Variants in URI1 observed in about 807,000 individuals in gnomAD.
The protein encoded by URI1 is unconventional prefoldin RPB5 interactor 1.
URI1 carries 39 observed loss-of-function variants against 60.2 expected under a neutral mutation model. The ratio of observed to expected loss-of-function variants is 0.65; its 90% CI spans 0.50 to 0.85. The LOEUF is 0.85. Ranked by LOEUF, URI1 falls within the 40% of genes least tolerant of loss-of-function variation. The pLI, the probability that URI1 is intolerant of heterozygous loss-of-function variation, is 0.00. For synonymous variants in URI1, 251 were observed against 236.8 expected (o/e 1.06, Z -0.55); for missense variants, 691 against 665.9 (o/e 1.04, Z -0.42).
chr19:30,004,482 T>A (rs1302565365), intron 4 of URI1: 1 of 152,090 alleles, frequency 6.6e-6, no homozygotes, highest in African/African-American at 2.4e-5. Context: ...TTCTCCTCCA[T>A]CCTCTTCTGA....
intron 9 of URI1, among the ~76,000 whole-genome samples, chr19:30,011,555 A>C (rs1599728424): frequency 6.6e-6 from 1 of 150,684 alleles, no homozygotes; most frequent in Admixed American, 6.6e-5. Context: ...CTACGTTTCT[A>C]CCACAGCCGT....
chr19:30,009,349 A>C lies in URI1; in HGVS notation c.1031A>C (p.Lys344Thr). 1 of 1,611,568 alleles carries C rather than the reference A, an allele frequency of 6.2e-7. No individual in the cohort carries two copies. The highest frequency in any genetic ancestry group is 8.5e-7 in the Non-Finnish European group (1 of 1,177,974). The change falls in exon 8 of 11, where the codon AAG becomes ACG. Residue 344 changes from lysine (K) to threonine (T), a missense_variant. Lys to Thr is a moderately conservative substitution (Grantham distance 78). Transcript: ENST00000392271. ...TIYFSHTVEP[K>T]RVRINTGKNT... ...TATTTTTCACATACTGTTGAGCCTA[A>C]GAGGGTTTGTATACTTTTAACTTTA...
chr19:30,007,436 A>G (rs534520352), intron 6 of URI1, 34 bp from the exon 7 acceptor site: 13 of 1,604,076 alleles, frequency 8.1e-6, no homozygotes, highest in East Asian at 4.5e-5. Flanking sequence ...TATGTTGGCT[A>G]TTAACAGCCA....
upstream of URI1, among the ~76,000 whole-genome samples, chr19:29,940,708 C>A (rs1021075571): frequency 9.2e-5 from 14 of 152,214 alleles, no homozygotes; most frequent in African/African-American, 3.1e-4. Flanking sequence ...CATTCTTGAA[C>A]CAACTATTTA....
intron 9 of URI1, 149 bp downstream of exon 9, chr19:30,011,385 T>G: frequency 9.6e-7 from 1 of 1,044,884 alleles, no homozygotes; most frequent in East Asian, 3.1e-5. Flanking sequence ...TCTGATAGGC[T>G]GACCGGCTGT....
At chr19:30,013,525 T>C (rs1288988881) in intron 10 of URI1, among the ~76,000 whole-genome samples, 1 of 152,222 alleles carries the variant, frequency 6.6e-6, no homozygotes, top group African/African-American at 2.4e-5. Context: ...AGGTAATTGC[T>C]GATAAATGTT....
At chr19:29,980,936 A>G (rs915785701) in intron 2 of URI1, among the ~76,000 whole-genome samples, 2 of 151,608 alleles carry the variant, frequency 1.3e-5, no homozygotes, top group Admixed American at 1.3e-4. Flanking sequence ...AAAAAAAAAA[A>G]AAAAAAAAGT....
At chr19:29,952,821 G>A (rs335052) in intron 1 of URI1, among the ~76,000 whole-genome samples, 145,775 of 152,320 alleles carry the variant, frequency 0.96, 69,776 homozygotes, top group East Asian at 1. Context: ...AAACTTTTTC[G>A]TCACCCCAAA....
At chr19:30,012,698 C>A in intron 10 of URI1, 167 bp downstream of exon 10, 1 of 810,298 alleles carries the variant, frequency 1.2e-6, no homozygotes. Context: ...TTGTGATAAT[C>A]AAATAGTTTA....
intron 3 of URI1, 96 bp downstream of exon 3, chr19:29,985,397 C>A: frequency 1.0e-6 from 1 of 966,094 alleles, no homozygotes; most frequent in Non-Finnish European, 1.6e-6. Context: ...TGGACTGTGT[C>A]CAAGGTAACT....
intron 1 of URI1, among the ~76,000 whole-genome samples, chr19:29,929,386 C>A (rs1286904511): frequency 6.6e-6 from 1 of 152,100 alleles, no homozygotes; most frequent in Non-Finnish European, 1.5e-5. Flanking sequence ...TACTTGAGGT[C>A]AGGAGTTGGA....
intron 3 of URI1, among the ~76,000 whole-genome samples, chr19:29,985,889 CTACTT>C (rs1217169669): frequency 1.3e-5 from 2 of 152,132 alleles, no homozygotes; most frequent in Admixed American, 6.5e-5. Flanking sequence ...GCAAAAGTGT[CTACTT>C]TATTGAAAAT....
At chr19:29,997,883 G>C (rs1365566059) in intron 4 of URI1, among the ~76,000 whole-genome samples, 1 of 152,048 alleles carries the variant, frequency 6.6e-6, no homozygotes, top group Admixed American at 6.6e-5. Flanking sequence ...TTCTGCCTCA[G>C]CCTCCCTAGT....
chr19:30,007,456 C>CT lies in URI1; in HGVS notation c.518-9dup. On this transcript the variant is annotated splice_polypyrimidine_tract_variant and intron_variant, in intron 6 of 10. Transcript: ENST00000392271. ...TGGCTATTAACAGCCACGTCTTTTC[C>CT]TTTTTCTAAATAGCAAAACACCGAA... The CT allele has an allele frequency of 6.2e-7, 1 of 1,610,630 alleles. No homozygotes were observed. Among genetic ancestry groups the CT allele is most frequent in the Non-Finnish European group, 8.5e-7 (1 of 1,178,276 alleles).
intron 1 of URI1, among the ~76,000 whole-genome samples, chr19:29,931,249 T>C (rs1365889017): frequency 1.3e-5 from 2 of 152,242 alleles, no homozygotes; most frequent in African/African-American, 2.4e-5. Flanking sequence ...TGAACTGCTA[T>C]AACAAAATAC....
At chr19:29,966,164 G>T (rs1470290921) in intron 1 of URI1, among the ~76,000 whole-genome samples, 3 of 151,872 alleles carry the variant, frequency 2.0e-5, no homozygotes, top group East Asian at 3.9e-4. Context: ...ATTTATTTTT[G>T]GGGACAGGGT....
intron 1 of URI1, among the ~76,000 whole-genome samples, chr19:29,968,754 G>A (rs1158623887): frequency 6.6e-6 from 1 of 151,030 alleles, no homozygotes; most frequent in Non-Finnish European, 1.5e-5. Context: ...TGTATTTTTA[G>A]TAGAGATGGG....
chr19:29,940,129 G>A (rs951526819), upstream of URI1, among the ~76,000 whole-genome samples: 4 of 152,276 alleles, frequency 2.6e-5, no homozygotes, highest in African/African-American at 9.6e-5. Flanking sequence ...CAGAAGTGAT[G>A]CAGACTCCAG....
At chr19:29,931,428 G>A (rs976747995) in intron 1 of URI1, among the ~76,000 whole-genome samples, 3 of 152,128 alleles carry the variant, frequency 2.0e-5, no homozygotes, top group African/African-American at 7.2e-5. Flanking sequence ...TGCATGCAGA[G>A]CAAGAGAAAG....
Sources: allele counts gnomAD v4.1 joint callset (sites outside exome capture counted in the v4.1 genomes callset), GRCh38; gene constraint gnomAD v4.1.1; transcripts MANE v1.5; gene names NCBI Gene and HGNC (gene_info 2026-07-23, HGNC 2026-07-21).